The following ADARB2 variants were observed in gnomAD, a reference collection of about 807,000 sequenced individuals.
ADARB2 encodes the protein inactive double-stranded RNA-specific editase B2.
ADARB2 carries 25 observed loss-of-function variants against 62.2 expected under a neutral mutation model. That is an observed-to-expected ratio of 0.40 (90% confidence interval 0.29 to 0.56). The LOEUF (loss-of-function observed/expected upper bound fraction) is 0.56. Ranked by LOEUF, ADARB2 falls within the 20% of genes least tolerant of loss-of-function variation. ADARB2 has a pLI of 0.43. For missense variants in ADARB2, 1,071 were observed against 1,077.4 expected, an observed-to-expected ratio of 0.99 and a Z score of 0.08; for synonymous variants, 572 against 500.8, an observed-to-expected ratio of 1.14 and a Z score of -1.90.
At chr10:1,656,890 C>T (rs1834177930) in intron 1 of ADARB2, among the ~76,000 whole-genome samples, 1 of 151,700 alleles carries the variant, frequency 6.6e-6, no homozygotes. Flanking sequence ...GAAGTAGAGG[C>T]ATTAGGATGG....
At chr10:1,474,463 C>T (rs981507997) in intron 1 of ADARB2, among the ~76,000 whole-genome samples, 3 of 152,142 alleles carry the variant, frequency 2.0e-5, no homozygotes, top group East Asian at 1.9e-4. Context: ...GCCTCTTCTG[C>T]GGGCTAGGAG....
intron 1 of ADARB2, among the ~76,000 whole-genome samples, chr10:1,458,105 A>G (rs1485616643): frequency 1.3e-5 from 2 of 152,092 alleles, no homozygotes; most frequent in East Asian, 3.9e-4. Flanking sequence ...CTTTTCCCAG[A>G]CGCATCGTCA....
intron 1 of ADARB2, among the ~76,000 whole-genome samples, chr10:1,455,016 G>A (rs1202618307): frequency 1.3e-5 from 2 of 152,296 alleles, no homozygotes; most frequent in South Asian, 2.1e-4. Context: ...ATTTGCTTAC[G>A]AAACACGAGA....
intron 1 of ADARB2, among the ~76,000 whole-genome samples, chr10:1,543,065 C>T (rs886795919): frequency 3.3e-5 from 5 of 152,370 alleles, no homozygotes; most frequent in African/African-American, 4.8e-5. Context: ...AGCGACGGTG[C>T]GGCTTCCCTG....
At chr10:1,220,070 T>G (rs988848063) in intron 6 of ADARB2, among the ~76,000 whole-genome samples, 19 of 147,600 alleles carry the variant, frequency 1.3e-4, no homozygotes, top group Non-Finnish European at 1.8e-4. Flanking sequence ...GTGATGATGG[T>G]GATGGTGATG....
At chr10:1,278,945 C>A (rs775902810) in intron 3 of ADARB2, among the ~76,000 whole-genome samples, 33 of 152,294 alleles carry the variant, frequency 2.2e-4, no homozygotes, top group Non-Finnish European at 2.9e-4. Context: ...GAATGAATGA[C>A]TGCGTGTATG....
intron 1 of ADARB2, among the ~76,000 whole-genome samples, chr10:1,599,753 C>T (rs2813397): frequency 0.46 from 70,534 of 151,734 alleles, 16,965 homozygotes; most frequent in East Asian, 0.67. Context: ...TTTTTTTTCT[C>T]TTTTTGAGAC....
At chr10:1,732,328 A>C (rs77332622) in intron 1 of ADARB2, among the ~76,000 whole-genome samples, 8 of 146,868 alleles carry the variant, frequency 5.4e-5, no homozygotes, top group Admixed American at 1.3e-4. Context: ...AAAAAAAAAA[A>C]AATTTCCTTT....
chr10:1,299,424 G>A (rs1831553713), intron 3 of ADARB2, among the ~76,000 whole-genome samples: 1 of 152,192 alleles, frequency 6.6e-6, no homozygotes, highest in Admixed American at 6.5e-5. Flanking sequence ...GCAGACTCCA[G>A]GCATTAGAAA....
At chr10:1,263,155 T>C (rs1363339682) in intron 4 of ADARB2, among the ~76,000 whole-genome samples, 1 of 140,956 alleles carries the variant, frequency 7.1e-6, no homozygotes, top group Non-Finnish European at 1.5e-5. Flanking sequence ...GGGGGAGGGA[T>C]AGCATTAGGA....
At chr10:1,641,716 A>T (rs991561366) in intron 1 of ADARB2, among the ~76,000 whole-genome samples, 4 of 152,140 alleles carry the variant, frequency 2.6e-5, no homozygotes, top group East Asian at 1.9e-4. Context: ...AATCTTTTTT[A>T]AAAAATGTGT....
chr10:1,463,028 G>T (rs904006525), intron 1 of ADARB2, among the ~76,000 whole-genome samples: 1 of 152,144 alleles, frequency 6.6e-6, no homozygotes, highest in Non-Finnish European at 1.5e-5. Flanking sequence ...GGGGTGGGAC[G>T]CAGCTGGTGG....
chr10:1,718,890 T>C, intron 1 of ADARB2, among the ~76,000 whole-genome samples: 1 of 152,262 alleles, frequency 6.6e-6, no homozygotes, highest in East Asian at 1.9e-4. Context: ...TAAGGAACTT[T>C]GGAAATTTAC....
chr10:1,251,808 C>A (rs1831039827), intron 4 of ADARB2, among the ~76,000 whole-genome samples: 1 of 152,142 alleles, frequency 6.6e-6, no homozygotes, highest in African/African-American at 2.4e-5. Flanking sequence ...CAGACAGAGT[C>A]CAGCCCTCTT....
chr10:1,474,270 G>T (rs1831368496), intron 1 of ADARB2, among the ~76,000 whole-genome samples: 1 of 152,212 alleles, frequency 6.6e-6, no homozygotes, highest in South Asian at 2.1e-4. Context: ...GGGAAATCGA[G>T]GGTAAAACTC....
At chr10:1,727,415 C>G (rs1291835605) in intron 1 of ADARB2, among the ~76,000 whole-genome samples, 1 of 152,174 alleles carries the variant, frequency 6.6e-6, no homozygotes, top group African/African-American at 2.4e-5. Context: ...AAGACGACAG[C>G]TCAGCCCATC....
At chr10:1,327,367 G>A (rs1177696824) in intron 3 of ADARB2, among the ~76,000 whole-genome samples, 1 of 55,468 alleles carries the variant, frequency 1.8e-5, no homozygotes, top group African/African-American at 8.0e-5. Context: ...ACGGCCCAGC[G>A]CCTCCCCACG....
rs563918630 is a variant in ADARB2 at position 1,241,794 on chromosome 10, C to T, written c.1361+337G>A. On this transcript the variant is annotated intron_variant, in intron 5 of 9. Transcript: ENST00000381312. Reference sequence around the variant, plus strand: ...CACTCACGTTCTCTGAGGGCAACGGCGGAAAAGGGGGCAGTGCAGGAATGT... The same window carrying T: ...CACTCACGTTCTCTGAGGGCAACGGTGGAAAAGGGGGCAGTGCAGGAATGT... 3.1e-3 allele frequency among the ~76,000 whole-genome samples: 471 copies of T among 152,242 alleles called. 3 individuals are homozygous for T. Among genetic ancestry groups the T allele is most frequent in the Middle Eastern group, 0.01 (3 of 294 alleles).
At chr10:1,696,263 T>G (rs1365930557) in intron 1 of ADARB2, among the ~76,000 whole-genome samples, 1 of 150,202 alleles carries the variant, frequency 6.7e-6, no homozygotes, top group Non-Finnish European at 1.5e-5. Context: ...GCATTGTGTA[T>G]GTGCCTGTTT....
Sources: gnomAD v4.1 joint callset for allele counts (sites outside exome capture counted in the v4.1 genomes callset) on GRCh38, gnomAD v4.1.1 for gene constraint, MANE v1.5 for transcripts, NCBI Gene and HGNC (gene_info 2026-07-23, HGNC 2026-07-21) for gene names.